Variants in RANBP2 observed in about 807,000 individuals in gnomAD.
RANBP2 encodes the protein RAN binding protein 2.
In RANBP2, 57 loss-of-function variants were observed where a neutral mutation model predicts 303.6. The ratio of observed to expected loss-of-function variants is 0.19; its 90% confidence interval spans 0.15 to 0.23. The LOEUF (loss-of-function observed/expected upper bound fraction) is 0.23. RANBP2 is among the 10% of genes least tolerant of loss of function. RANBP2 has a pLI of 1.00. For synonymous variants in RANBP2, 1,167 were observed against 1,301.5 expected (o/e 0.90, Z 2.23); for missense variants, 3,138 against 3,780.8 (o/e 0.83, Z 4.46).
the RANBP2 span, among the ~76,000 whole-genome samples, chr2:108,852,620 A>G: frequency 6.6e-6 from 1 of 152,334 alleles, no homozygotes; most frequent in South Asian, 2.1e-4. Context: ...ATGGACTTGG[A>G]GGCCGTTATC....
chr2:109,657,334 G>A, the RANBP2 span, among the ~76,000 whole-genome samples: 1 of 152,222 alleles, frequency 6.6e-6, no homozygotes. Context: ...TGTAGTCCCA[G>A]GTACCCAGGA....
the RANBP2 span, among the ~76,000 whole-genome samples, chr2:109,335,547 C>T: frequency 1.3e-5 from 2 of 152,320 alleles, no homozygotes; most frequent in Admixed American, 6.5e-5. Flanking sequence ...TCACCCTATC[C>T]CCATCCCAGT....
At chr2:109,588,970 C>T in the RANBP2 span, among the ~76,000 whole-genome samples, 1 of 151,178 alleles carries the variant, frequency 6.6e-6, no homozygotes, top group Non-Finnish European at 1.5e-5. Flanking sequence ...AATGAAAGGA[C>T]AATGGCACAT....
At chr2:108,808,295 A>C in the RANBP2 span, among the ~76,000 whole-genome samples, 2 of 151,816 alleles carry the variant, frequency 1.3e-5, no homozygotes, top group Non-Finnish European at 3.0e-5. Flanking sequence ...TACTTTGGCT[A>C]TTGCAAATAC....
At chr2:109,279,523 C>T in the RANBP2 span, among the ~76,000 whole-genome samples, 2 of 152,210 alleles carry the variant, frequency 1.3e-5, no homozygotes, top group African/African-American at 4.8e-5. Flanking sequence ...ACCGCCCCCT[C>T]CATCACCCTT....
At chr2:109,721,495 C>G in the RANBP2 span, among the ~76,000 whole-genome samples, 20 of 152,246 alleles carry the variant, frequency 1.3e-4, no homozygotes, top group African/African-American at 4.6e-4. Context: ...AATTGCTGTG[C>G]TGGAATTCGC....
At chr2:108,843,248 G>A in the RANBP2 span, among the ~76,000 whole-genome samples, 1 of 152,048 alleles carries the variant, frequency 6.6e-6, no homozygotes, top group African/African-American at 2.4e-5. Context: ...ACCTCCGTCT[G>A]CTGGGTTCAA....
chr2:109,277,156 G>A, the RANBP2 span, among the ~76,000 whole-genome samples: 1 of 152,278 alleles, frequency 6.6e-6, no homozygotes. Context: ...TCAGCCTTCT[G>A]TATCTTCATT....
chr2:108,864,091 T>C, the RANBP2 span, among the ~76,000 whole-genome samples: 35 of 152,228 alleles, frequency 2.3e-4, no homozygotes, highest in South Asian at 2.1e-4. Context: ...GTAACACTAG[T>C]GAGCCCTTCT....
the RANBP2 span, among the ~76,000 whole-genome samples, chr2:109,353,541 G>A: frequency 3.9e-5 from 6 of 152,310 alleles, no homozygotes; most frequent in South Asian, 2.1e-4. Context: ...CTGGAGGGAC[G>A]TGGAGGGAAG....
the RANBP2 span, among the ~76,000 whole-genome samples, chr2:108,977,505 C>T: frequency 9.2e-5 from 14 of 152,244 alleles, no homozygotes; most frequent in East Asian, 3.9e-4. Flanking sequence ...CTCCTGACCT[C>T]GTGATCCGCC....
chr2:109,492,067 G>A, the RANBP2 span, among the ~76,000 whole-genome samples: 2 of 152,152 alleles, frequency 1.3e-5, no homozygotes, highest in African/African-American at 4.8e-5. Flanking sequence ...CAGTCCTGCT[G>A]TGTCTGTGGT....
the RANBP2 span, among the ~76,000 whole-genome samples, chr2:109,347,136 G>A: frequency 6.6e-6 from 1 of 152,218 alleles, no homozygotes; most frequent in African/African-American, 2.4e-5. Flanking sequence ...TGACTATTCA[G>A]TAGATGAAGT....
At chr2:109,524,522 C>T in the RANBP2 span, among the ~76,000 whole-genome samples, 4 of 150,354 alleles carry the variant, frequency 2.7e-5, no homozygotes, top group East Asian at 3.9e-4. Flanking sequence ...TTTGGGAGGC[C>T]GAGGTAGGCA....
the RANBP2 span, among the ~76,000 whole-genome samples, chr2:109,300,857 C>T: frequency 2.6e-3 from 390 of 152,278 alleles, 3 homozygotes; most frequent in African/African-American, 9.0e-3. Context: ...TAAATCAGAA[C>T]GACTTAAAAA....
intron 18 of RANBP2, among the ~76,000 whole-genome samples, chr2:108,759,503 T>A (rs1004206294): frequency 1.3e-5 from 2 of 152,120 alleles, no homozygotes; most frequent in African/African-American, 4.8e-5. Context: ...TTTTTTTCTC[T>A]TTTTAGCCCA....
the RANBP2 span, among the ~76,000 whole-genome samples, chr2:109,460,758 C>T: frequency 6.6e-6 from 1 of 152,234 alleles, no homozygotes; most frequent in Non-Finnish European, 1.5e-5. Flanking sequence ...CCCTGACCAA[C>T]CAGCCAAATC....
the RANBP2 span, among the ~76,000 whole-genome samples, chr2:109,587,934 A>G: frequency 4.0e-5 from 6 of 151,814 alleles, no homozygotes; most frequent in Middle Eastern, 3.4e-3. Flanking sequence ...ACAAAAACAA[A>G]CACACACAAA....
chr2:109,761,442 C>A, the RANBP2 span, among the ~76,000 whole-genome samples: 5 of 149,882 alleles, frequency 3.3e-5, 1 homozygote, highest in East Asian at 2.0e-4. Flanking sequence ...CTCCCCACCC[C>A]ACCCGGGCGC....
Sources: gnomAD v4.1 joint callset for allele counts (sites outside exome capture counted in the v4.1 genomes callset) on GRCh38, gnomAD v4.1.1 for gene constraint, MANE v1.5 for transcripts, NCBI Gene and HGNC (gene_info 2026-07-23, HGNC 2026-07-21) for gene names.